Variants in MGAT4C observed in about 807,000 individuals in gnomAD.
MGAT4C encodes MGAT4 family member C.
In MGAT4C, 19 loss-of-function variants were observed where a neutral mutation model predicts 40.1. That is an observed-to-expected ratio of 0.47 (90% CI 0.33 to 0.70). The LOEUF is 0.70. Among genes scored for constraint, MGAT4C ranks in the 30% least tolerant of loss-of-function variants. The probability of loss-of-function intolerance (pLI) is 0.02; values close to 1 mark genes in which losing one functional copy is unlikely to be tolerated. For missense variants in MGAT4C, 491 were observed against 563.2 expected (o/e 0.87, Z 1.30); for synonymous variants, 181 against 187.1 (o/e 0.97, Z 0.27).
intron 3 of MGAT4C, among the ~76,000 whole-genome samples, chr12:86,399,376 G>A (rs1956316217): frequency 6.6e-6 from 1 of 151,088 alleles, no homozygotes; most frequent in Admixed American, 6.6e-5. Flanking sequence ...CCGCCTCCTG[G>A]GTTCATGCCA....
chr12:86,392,971 A>G (rs1956184599), intron 3 of MGAT4C, among the ~76,000 whole-genome samples: 1 of 152,168 alleles, frequency 6.6e-6, no homozygotes, highest in Non-Finnish European at 1.5e-5. Flanking sequence ...ACCTATAATA[A>G]ACTAAGAAAA....
intron 3 of MGAT4C, among the ~76,000 whole-genome samples, chr12:86,387,105 A>G (rs1313034034): frequency 6.6e-6 from 1 of 152,166 alleles, no homozygotes; most frequent in Admixed American, 6.5e-5. Context: ...ACACTGTAAT[A>G]AGTCTTTCTT....
At position 86,193,594 on chromosome 12, in the gene MGAT4C, T is replaced by C. The variant is rs997161743; in HGVS notation, c.-57+62645A>G. Among the ~76,000 whole-genome samples, 41 of 152,226 alleles carry C rather than the reference T, an allele frequency of 2.7e-4. 1 individual carries two copies. The highest frequency in any genetic ancestry group is 1.1e-3 in the Admixed American group (17 of 15,292). ...CTCTCAATTTTTTTGATATAAATTTTTATTTTCTTTTTATTTGGAGGATGT... is the reference window on the plus strand; with the variant it reads ...CTCTCAATTTTTTTGATATAAATTTCTATTTTCTTTTTATTTGGAGGATGT... On this transcript the variant is annotated intron_variant, in intron 1 of 4. Transcript: ENST00000611864.
intron 3 of MGAT4C, among the ~76,000 whole-genome samples, chr12:86,338,860 G>T (rs927370776): frequency 4.8e-5 from 7 of 146,686 alleles, no homozygotes; most frequent in Non-Finnish European, 8.9e-5. Flanking sequence ...TCAGGAGGCT[G>T]AGGTATAAGA....
At chr12:86,090,061 A>C (rs1017728042) in intron 1 of MGAT4C, among the ~76,000 whole-genome samples, 3 of 151,616 alleles carry the variant, frequency 2.0e-5, no homozygotes, top group Non-Finnish European at 4.4e-5. Context: ...GATTAACCAA[A>C]ATTTTGAATA....
chr12:86,038,001 A>T (rs912543368), intron 2 of MGAT4C, among the ~76,000 whole-genome samples: 1 of 149,578 alleles, frequency 6.7e-6, no homozygotes, highest in Admixed American at 6.7e-5. Context: ...ATGGGAAATG[A>T]CAGTTTGAGA....
intron 2 of MGAT4C, among the ~76,000 whole-genome samples, chr12:86,007,261 T>G (rs181417787): frequency 2.4e-4 from 36 of 152,288 alleles, no homozygotes; most frequent in Admixed American, 4.6e-4. Flanking sequence ...TGAAGAATAC[T>G]ATCCTGAAAT....
intron 1 of MGAT4C, among the ~76,000 whole-genome samples, chr12:86,213,190 C>T (rs1237889262): frequency 6.6e-6 from 1 of 152,088 alleles, no homozygotes; most frequent in East Asian, 1.9e-4. Context: ...GATAACTTTG[C>T]TTTTCTGGCT....
intron 2 of MGAT4C, among the ~76,000 whole-genome samples, chr12:86,725,428 C>T (rs1950804995): frequency 6.6e-6 from 1 of 152,106 alleles, no homozygotes; most frequent in Non-Finnish European, 1.5e-5. Flanking sequence ...AACACGGAGG[C>T]TAAAACATCA....
chr12:86,056,394 C>T (rs541202120), intron 1 of MGAT4C, among the ~76,000 whole-genome samples: 11 of 152,212 alleles, frequency 7.2e-5, no homozygotes, highest in African/African-American at 2.6e-4. Flanking sequence ...ACTCCTCCAC[C>T]CCCTTAAGGC....
intron 1 of MGAT4C, among the ~76,000 whole-genome samples, chr12:86,778,890 T>A (rs999425895): frequency 6.6e-6 from 1 of 151,392 alleles, no homozygotes; most frequent in Non-Finnish European, 1.5e-5. Context: ...ACAAAACTAC[T>A]GCAAAACAAA....
chr12:86,249,649 C>T (rs1952183315), intron 1 of MGAT4C, among the ~76,000 whole-genome samples: 1 of 152,076 alleles, frequency 6.6e-6, no homozygotes, highest in Non-Finnish European at 1.5e-5. Flanking sequence ...TGTTCTGATA[C>T]CTTGGTGCAA....
chr12:86,205,950 C>CA (rs58201797), intron 1 of MGAT4C, among the ~76,000 whole-genome samples: 1,572 of 149,188 alleles, frequency 0.011, 28 homozygotes, highest in African/African-American at 0.035. Flanking sequence ...ATGCTTCCAC[C>CA]AAAAAAAAAA....
rs77473217 is a variant in MGAT4C, at chr12:86,280,482, C to G, written c.-57+53583G>C. ...AAGTAAATGTAAACTGTCCTTTTGACTCAAGATCCATGGCCTACCATTTCG... is the reference window on the plus strand; with the variant it reads ...AAGTAAATGTAAACTGTCCTTTTGAGTCAAGATCCATGGCCTACCATTTCG... On this transcript the variant is annotated intron_variant, in intron 4 of 7. Transcript: ENST00000548651. Among the ~76,000 whole-genome samples the G allele has an allele frequency of 7.9e-3, 1,195 of 151,994 alleles. 22 individuals are homozygous for G. Among genetic ancestry groups the G allele is most frequent in the African/African-American group, 0.028 (1,143 of 41,500 alleles).
chr12:86,550,762 G>C (rs1959312835), intron 2 of MGAT4C, among the ~76,000 whole-genome samples: 1 of 152,172 alleles, frequency 6.6e-6, no homozygotes, highest in Non-Finnish European at 1.5e-5. Context: ...CCATAAGCTA[G>C]CCAAACCACT....
At chr12:86,237,301 C>A (rs1381310628) in intron 1 of MGAT4C, among the ~76,000 whole-genome samples, 5 of 151,566 alleles carry the variant, frequency 3.3e-5, no homozygotes, top group Non-Finnish European at 7.4e-5. Context: ...CTAAATAATC[C>A]TACGTTTTCT....
chr12:86,197,937 C>G (rs2135923980), intron 1 of MGAT4C, among the ~76,000 whole-genome samples: 1 of 152,136 alleles, frequency 6.6e-6, no homozygotes, highest in South Asian at 2.1e-4. Context: ...GAGATTTACA[C>G]TAATTTATAC....
chr12:86,499,570 C>T (rs1201464913), intron 2 of MGAT4C, among the ~76,000 whole-genome samples: 1 of 151,700 alleles, frequency 6.6e-6, no homozygotes, highest in African/African-American at 2.4e-5. Context: ...AAAAATTCTG[C>T]CAGACCTATA....
intron 2 of MGAT4C, among the ~76,000 whole-genome samples, chr12:86,580,250 T>C (rs1248530809): frequency 6.6e-6 from 1 of 151,534 alleles, no homozygotes; most frequent in African/African-American, 2.4e-5. Flanking sequence ...CCTCTCCCTA[T>C]CATACCTACA....
Sources: allele counts gnomAD v4.1 joint callset (sites outside exome capture counted in the v4.1 genomes callset), GRCh38; gene constraint gnomAD v4.1.1; transcripts MANE v1.5; gene names NCBI Gene and HGNC (gene_info 2026-07-23, HGNC 2026-07-21).